Variants in ZNF334 observed in about 807,000 individuals in gnomAD.
ZNF334 encodes the protein zinc finger protein 334.
Under a neutral mutation model 12.4 loss-of-function variants are expected in ZNF334, and 14 were observed. The ratio of observed to expected loss-of-function variants is 1.13; its 90% confidence interval spans 0.74 to 1.76. The LOEUF (loss-of-function observed/expected upper bound fraction) is 1.76, where lower values mean the gene tolerates loss of function less well. ZNF334 is among the 40% of genes most tolerant of loss of function. The pLI is 0.00. For missense variants in ZNF334, 797 were observed against 804.5 expected (o/e 0.99, Z 0.11); for synonymous variants, 273 against 269.6 (o/e 1.01, Z -0.12).
At chr20:46,499,375 T>C (rs1302402394), downstream of ZNF334, among the ~76,000 whole-genome samples, 1 of 152,076 alleles carries the variant, frequency 6.6e-6, no homozygotes, top group Non-Finnish European at 1.5e-5. Context: ...TTTGAGGTAC[T>C]GTGTTACGGC....
At chr20:46,489,854 T>A in the ZNF334 span, among the ~76,000 whole-genome samples, 1 of 152,172 alleles carries the variant, frequency 6.6e-6, no homozygotes, top group Non-Finnish European at 1.5e-5. Context: ...ATGAAGAAGA[T>A]AACAGAAACC....
At chr20:46,472,061 C>T in the ZNF334 span, among the ~76,000 whole-genome samples, 4 of 152,178 alleles carry the variant, frequency 2.6e-5, no homozygotes, top group African/African-American at 9.7e-5. Context: ...ACATAGTAAT[C>T]ACTACATTTA....
At chr20:46,488,134 T>C in the ZNF334 span, among the ~76,000 whole-genome samples, 2 of 152,160 alleles carry the variant, frequency 1.3e-5, no homozygotes, top group African/African-American at 2.4e-5. Context: ...TGATTATTGA[T>C]ATGGTTAGGC....
intron 1 of ZNF334, 115 bp from the exon 2 acceptor site, chr20:46,512,255 G>A (rs2061679158): frequency 2.9e-6 from 2 of 680,386 alleles, no homozygotes; most frequent in East Asian, 5.6e-5. Flanking sequence ...GACCAGTCTG[G>A]TTCAGGAAGC....
At chr20:46,508,447 CGA>C (rs1175429277) in intron 2 of ZNF334, among the ~76,000 whole-genome samples, 1 of 152,176 alleles carries the variant, frequency 6.6e-6, no homozygotes, top group African/African-American at 2.4e-5. Flanking sequence ...GGTCCTGTGA[CGA>C]GATGGCTCCT....
At position 46,502,091 on chromosome 20, in the gene ZNF334, A is replaced by C; in HGVS notation, c.1248T>G (p.Cys416Trp). Residue 416 changes from cysteine (C) to tryptophan (W), a missense_variant, in exon 5 of 5, where the codon TGT becomes TGG. Coordinates refer to ENST00000692313, the MANE Select transcript of ZNF334 (RefSeq NM_001353824.2). ...TTCGATGCACATTGAGGGCAGATTG[A>C]CAAAAGAAGGTTTTCTCACATTCAC... ...ECSECEKTFF[C>W]QSALNVHRRS... is the part of the protein sequence containing the mutation. 1 of 1,614,144 alleles carries C rather than the reference A, an allele frequency of 6.2e-7. No homozygotes were observed. Among genetic ancestry groups the C allele is most frequent in the Non-Finnish European group, 8.5e-7 (1 of 1,180,020 alleles).
intron 2 of ZNF334, among the ~76,000 whole-genome samples, chr20:46,506,954 ATTT>A (rs59230600): frequency 6.8e-6 from 1 of 146,994 alleles, no homozygotes; most frequent in Admixed American, 6.8e-5. Flanking sequence ...TCTCAAAAAA[ATTT>A]TTTTTTTTTT....
downstream of ZNF334, among the ~76,000 whole-genome samples, chr20:46,496,962 TA>T (rs1485690742): frequency 1.3e-5 from 2 of 152,220 alleles, no homozygotes; most frequent in Non-Finnish European, 2.9e-5. Context: ...CCTGCAGAAT[TA>T]AAGTACCAGC....
chr20:46,480,546 C>A, the ZNF334 span, among the ~76,000 whole-genome samples: 1 of 152,144 alleles, frequency 6.6e-6, no homozygotes, highest in Admixed American at 6.5e-5. Flanking sequence ...TATATGACAT[C>A]ATTCCTGGGG....
the ZNF334 span, among the ~76,000 whole-genome samples, chr20:46,463,015 G>A: frequency 6.6e-6 from 1 of 152,226 alleles, no homozygotes; most frequent in African/African-American, 2.4e-5. Flanking sequence ...GGGAGGTCAA[G>A]GTGGGAGGAT....
chr20:46,502,559 T>A lies in ZNF334; in HGVS notation c.780A>T (p.Thr260=), dbSNP rs2061255375. The A allele has an allele frequency of 6.2e-7, 1 of 1,613,724 alleles. No homozygotes were observed. The highest frequency in any genetic ancestry group is 1.3e-5 in the African/African-American group (1 of 74,920). The change falls in exon 5 of 5, where the codon ACA becomes ACT. Residue 260 remains threonine (T), a synonymous_variant. Transcript: ENST00000692313. ...CACTACAAACATACGGTTTCTCCCCTGTATGAATTCTCTGATGTACAATGA... is the reference window on the plus strand; with the variant it reads ...CACTACAAACATACGGTTTCTCCCCAGTATGAATTCTCTGATGTACAATGA... ...STLIVHQRIH[T]GEKPYVCSDC... is the part of the protein sequence containing the mutation.
At chr20:46,510,884 T>C (rs993553185) in intron 2 of ZNF334, among the ~76,000 whole-genome samples, 1 of 151,954 alleles carries the variant, frequency 6.6e-6, no homozygotes, top group African/African-American at 2.4e-5. Context: ...ATTTCCATGT[T>C]GGATATGAGG....
the ZNF334 span, among the ~76,000 whole-genome samples, chr20:46,472,981 C>G: frequency 6.6e-6 from 1 of 152,164 alleles, no homozygotes; most frequent in Non-Finnish European, 1.5e-5. Context: ...GGGGTTGACA[C>G]CTCAGCCAAA....
chr20:46,469,321 G>A, the ZNF334 span, among the ~76,000 whole-genome samples: 2 of 151,832 alleles, frequency 1.3e-5, no homozygotes, highest in African/African-American at 2.4e-5. Flanking sequence ...ACTCCCGGAC[G>A]GTAGCAGGAC....
chr20:46,479,545 T>C, the ZNF334 span, among the ~76,000 whole-genome samples: 1 of 152,124 alleles, frequency 6.6e-6, no homozygotes, highest in Non-Finnish European at 1.5e-5. Flanking sequence ...TCAAATTCCA[T>C]CCTGACTCTA....
chr20:46,495,723 T>C (rs1228291303), downstream of ZNF334, among the ~76,000 whole-genome samples: 1 of 152,152 alleles, frequency 6.6e-6, no homozygotes, highest in Non-Finnish European at 1.5e-5. Context: ...GAAATAACCA[T>C]GGGATGCACG....
At chr20:46,509,406 T>C (rs2061559388) in intron 2 of ZNF334, among the ~76,000 whole-genome samples, 1 of 152,044 alleles carries the variant, frequency 6.6e-6, no homozygotes, top group Non-Finnish European at 1.5e-5. Context: ...AGAAAGGATG[T>C]AAACAATGAG....
At chr20:46,469,068 A>T in the ZNF334 span, among the ~76,000 whole-genome samples, 1 of 152,208 alleles carries the variant, frequency 6.6e-6, no homozygotes, top group African/African-American at 2.4e-5. Context: ...AATGGGACTT[A>T]TTGCTAATAT....
At chr20:46,462,984 C>T in the ZNF334 span, among the ~76,000 whole-genome samples, 3 of 152,172 alleles carry the variant, frequency 2.0e-5, no homozygotes, top group African/African-American at 7.2e-5. Context: ...CGGTGGCTCA[C>T]GCTTGTAATC....
Sources: allele counts gnomAD v4.1 joint callset (sites outside exome capture counted in the v4.1 genomes callset), GRCh38; gene constraint gnomAD v4.1.1; transcripts MANE v1.5; gene names NCBI Gene and HGNC (gene_info 2026-07-23, HGNC 2026-07-21).